Variants in BIRC6 observed in about 807,000 individuals in gnomAD.
BIRC6 encodes dual E2 ubiquitin-conjugating enzyme/E3 ubiquitin-protein ligase BIRC6.
Under a neutral mutation model 503.3 loss-of-function variants are expected in BIRC6, and 98 were observed. That is an observed-to-expected ratio of 0.19 (90% CI 0.17 to 0.23). The LOEUF is 0.23. Among genes scored for constraint, BIRC6 ranks in the 10% least tolerant of loss-of-function variants. The pLI is 1.00. For missense variants in BIRC6, 5,360 were observed against 5,806.0 expected (o/e 0.92, Z 2.50); for synonymous variants, 2,240 against 2,078.7 (o/e 1.08, Z -2.11).
At position 32,463,378 on chromosome 2, in the gene BIRC6, A is replaced by G; in HGVS notation, c.4938A>G (p.Gln1646=). The change falls in exon 24 of 74, where the codon CAA becomes CAG. Residue 1646 remains glutamine, a synonymous_variant. Coordinates refer to ENST00000421745, the MANE Select transcript of BIRC6 (RefSeq NM_016252.4). ...EKQQQLLKLQ[Q]QKAKLEAKLH... ...AGCAGCAGCTTTTGAAGCTTCAGCA[A>G]CAGGTTGGAGACTATTTGGCTCTTT... 6.2e-7 allele frequency: 1 copy of G among 1,610,938 alleles called. No homozygotes were observed. The highest frequency in any genetic ancestry group is 8.5e-7 in the Non-Finnish European group (1 of 1,178,530).
chr2:32,361,240 A>G (rs899841786), intron 1 of BIRC6, among the ~76,000 whole-genome samples: 2 of 152,146 alleles, frequency 1.3e-5, no homozygotes, highest in African/African-American at 4.8e-5. Context: ...CAGCCCTAAT[A>G]TATACAGTAT....
chr2:32,471,386 T>G (rs2049081814), intron 32 of BIRC6, among the ~76,000 whole-genome samples: 2 of 152,236 alleles, frequency 1.3e-5, no homozygotes. Flanking sequence ...TTGCAAGGTG[T>G]CTTCCCTCAG....
At position 32,468,475 on chromosome 2, in the gene BIRC6, A is replaced by G; in HGVS notation, c.5819A>G (p.Gln1940Arg). 1 of 1,594,444 alleles carries G rather than the reference A, an allele frequency of 6.3e-7. No individual in the cohort carries two copies. Among genetic ancestry groups the G allele is most frequent in the Non-Finnish European group, 8.6e-7 (1 of 1,169,470 alleles). Residue 1940 changes from glutamine (Q) to arginine (R), a missense_variant, in exon 29 of 74, where the codon CAA becomes CGA. This residue lies in a region of BIRC6 where 2,299 missense variants were observed against 2,267.2 expected (regional missense o/e 1.01). Coordinates refer to ENST00000421745, the MANE Select transcript of BIRC6 (RefSeq NM_016252.4). The stretch of plus-strand genomic sequence containing the variant: ...TGTCATCGTCTGGAAACCCTTTTGC[A>G]AAGTATTGATCTTCCTCCTCTAAAC... ...LACHRLETLL[Q>R]SIDLPPLNSA...
At chr2:32,423,254 GA>G (rs1369828842) in intron 10 of BIRC6, among the ~76,000 whole-genome samples, 2 of 152,138 alleles carry the variant, frequency 1.3e-5, no homozygotes, top group Non-Finnish European at 2.9e-5. Context: ...CTTAAGAGTA[GA>G]ATTATTGGGT....
At chr2:32,573,550 G>C (rs893474522) in intron 65 of BIRC6, among the ~76,000 whole-genome samples, 1 of 152,118 alleles carries the variant, frequency 6.6e-6, no homozygotes, top group Non-Finnish European at 1.5e-5. Context: ...AGAGATGTTA[G>C]ATCCTTATCT....
At chr2:32,434,400 T>C (rs1313263512) in intron 13 of BIRC6, among the ~76,000 whole-genome samples, 1 of 152,188 alleles carries the variant, frequency 6.6e-6, no homozygotes, top group Non-Finnish European at 1.5e-5. Context: ...AAAATTTTCC[T>C]TTTTGAAAAA....
intron 33 of BIRC6, among the ~76,000 whole-genome samples, chr2:32,475,948 G>A (rs181118462): frequency 5.9e-5 from 9 of 151,814 alleles, no homozygotes; most frequent in South Asian, 2.1e-4. Context: ...TATATCGCTC[G>A]ATTATGTTAG....
intron 66 of BIRC6, among the ~76,000 whole-genome samples, chr2:32,583,300 T>C (rs2060808613): frequency 6.6e-6 from 1 of 152,228 alleles, no homozygotes; most frequent in African/African-American, 2.4e-5. Context: ...TTCATAAAGA[T>C]GATGTTTTAA....
chr2:32,538,632 A>C (rs2057422327), intron 61 of BIRC6, among the ~76,000 whole-genome samples: 1 of 152,244 alleles, frequency 6.6e-6, no homozygotes, highest in Non-Finnish European at 1.5e-5. Context: ...AGATCTCATC[A>C]ACAATGTACA....
intron 65 of BIRC6, among the ~76,000 whole-genome samples, chr2:32,567,781 A>G (rs1297320635): frequency 6.6e-6 from 1 of 152,198 alleles, no homozygotes; most frequent in African/African-American, 2.4e-5. Flanking sequence ...AGATGGATGT[A>G]TACCAAAATG....
intron 23 of BIRC6, among the ~76,000 whole-genome samples, chr2:32,458,272 T>C (rs2047461144): frequency 6.6e-6 from 1 of 152,198 alleles, no homozygotes; most frequent in South Asian, 2.1e-4. Context: ...GTGTTTATTC[T>C]GCTTCAGATT....
At chr2:32,477,729 T>A in intron 35 of BIRC6, 146 bp downstream of exon 35, 2 of 335,626 alleles carry the variant, frequency 6.0e-6, no homozygotes, top group Admixed American at 6.0e-5. Flanking sequence ...CAAAACCCCG[T>A]CTCTACAAAA....
Position 32,392,033 on chromosome 2 carries a change from T to A in BIRC6, c.840-6T>A, listed in dbSNP as rs1331936819. On this transcript the variant is annotated splice_polypyrimidine_tract_variant and splice_region_variant and intron_variant, in intron 4 of 73. Transcript: ENST00000421745. ...CTTCAATTACATAAAGTATGTTTACTTTTAGATCACTGATGTATAGTGAAG... is the reference window on the plus strand; with the variant it reads ...CTTCAATTACATAAAGTATGTTTACATTTAGATCACTGATGTATAGTGAAG... The A allele has an allele frequency of 2.0e-6, 3 of 1,533,212 alleles. No homozygotes were observed. The highest frequency in any genetic ancestry group is 1.9e-5 in the Admixed American group (1 of 51,830). 95.0% of individuals were successfully genotyped at this position (1,533,212 alleles called of 1,614,324 possible). A position where few individuals can be genotyped will look rare whatever the true frequency, so the allele number is the denominator to read the frequency against.
At chr2:32,479,710 T>C in intron 37 of BIRC6, 93 bp downstream of exon 37, 1 of 1,153,934 alleles carries the variant, frequency 8.7e-7, no homozygotes. Flanking sequence ...TTGATTTTTA[T>C]ATTTTTCTAT....
intron 65 of BIRC6, chr2:32,557,484 TG>T (rs1263588633): frequency 6.6e-6 from 1 of 152,250 alleles, no homozygotes; most frequent in East Asian, 1.9e-4. Flanking sequence ...TGCTTTGTCC[TG>T]TTTTTTTCCT....
chr2:32,405,614 T>A (rs1259107414), intron 8 of BIRC6, among the ~76,000 whole-genome samples: 1 of 152,098 alleles, frequency 6.6e-6, no homozygotes, highest in Non-Finnish European at 1.5e-5. Context: ...AGACAAGACT[T>A]TGTCTTGTCT....
intron 3 of BIRC6, among the ~76,000 whole-genome samples, chr2:32,388,412 A>G (rs1480596310): frequency 1.3e-5 from 2 of 151,714 alleles, no homozygotes; most frequent in Admixed American, 6.6e-5. Flanking sequence ...TATACAATAC[A>G]TGATTAGTAA....
At chr2:32,390,080 G>A (rs1407943144) in intron 4 of BIRC6, among the ~76,000 whole-genome samples, 2 of 152,060 alleles carry the variant, frequency 1.3e-5, no homozygotes, top group East Asian at 1.9e-4. Flanking sequence ...GGCTGGTGTC[G>A]AACTCCCTAC....
Position 32,429,179 on chromosome 2 carries a change from C to A in BIRC6, c.2906C>A (p.Thr969Asn), listed in dbSNP as rs375342023. 5.2e-5 allele frequency: 83 copies of A among 1,593,354 alleles called. No homozygotes were observed. In the South Asian group the frequency reaches 7.5e-4, roughly 14 times the overall value. Residue 969 changes from threonine (T) to asparagine (N), a missense_variant, in exon 11 of 74, where the codon ACC (threonine) becomes AAC (asparagine). Thr to Asn is a moderately conservative substitution (Grantham distance 65). Transcript: ENST00000421745. ...CTTCATTTTCTCCAAATTGGAGGAA[C>A]CTGTGATGATATTGATGAAGCTGAT... is the stretch of plus-strand genomic sequence containing the variant. ...GELHFLQIGG[T>N]CDDIDEADIL...
Sources: gnomAD v4.1 joint callset for allele counts (sites outside exome capture counted in the v4.1 genomes callset) on GRCh38, gnomAD v4.1.1 for gene constraint, gnomAD v4.1.1 regional missense constraint, MANE v1.5 for transcripts, NCBI Gene and HGNC (gene_info 2026-07-23, HGNC 2026-07-21) for gene names.